Variants in CPEB3 observed in about 807,000 individuals in gnomAD.
CPEB3 encodes the protein cytoplasmic polyadenylation element-binding protein 3.
CPEB3 carries 20 observed loss-of-function variants against 67.2 expected under a neutral mutation model. The observed-to-expected ratio is 0.30, with a 90% CI of 0.21 to 0.43. The LOEUF (loss-of-function observed/expected upper bound fraction) is 0.43. Among genes scored for constraint, CPEB3 ranks in the 20% least tolerant of loss-of-function variants. CPEB3 has a pLI of 1.00. For synonymous variants in CPEB3, 376 were observed against 393.1 expected (o/e 0.96, Z 0.51); for missense variants, 746 against 968.6 (o/e 0.77, Z 3.05).
At chr10:92,191,187 A>G (rs1266047141) in intron 3 of CPEB3, among the ~76,000 whole-genome samples, 2 of 152,054 alleles carry the variant, frequency 1.3e-5, no homozygotes, top group African/African-American at 4.8e-5. Flanking sequence ...AGATCACTAG[A>G]GGTCAGGAGT....
chr10:92,112,383 G>T (rs1177222797), intron 6 of CPEB3, among the ~76,000 whole-genome samples: 3 of 152,086 alleles, frequency 2.0e-5, no homozygotes, highest in Non-Finnish European at 4.4e-5. Context: ...GACTTCAAGT[G>T]ATCCATCTGC....
In CPEB3 at chr10:92,144,958, A is replaced by G. The variant is rs778069529; in HGVS notation, c.1350T>C (p.Pro450=). The part of the protein sequence containing the change: ...SRKVFVGGLP[P]DIDEDEITAS... Reference sequence around the variant, plus strand: ...AATGCATAGTACCTTCATCAATATCAGGAGGAAGTCCTCCAACAAACACCT... The same window carrying G: ...AATGCATAGTACCTTCATCAATATCGGGAGGAAGTCCTCCAACAAACACCT... The change falls in exon 5 of 10, where the codon CCT becomes CCC. Residue 450 remains proline, a synonymous_variant. Transcript: ENST00000265997. The G allele has an allele frequency of 6.1e-5, 99 of 1,613,896 alleles. No individual in the cohort carries two copies. The highest frequency in any genetic ancestry group is 8.4e-5 in the Non-Finnish European group (99 of 1,179,938).
intron 4 of CPEB3, among the ~76,000 whole-genome samples, chr10:92,152,484 C>T (rs183198809): frequency 1.1e-4 from 16 of 152,296 alleles, no homozygotes; most frequent in Admixed American, 7.2e-4. Context: ...AAGCCTTTTA[C>T]AAATGCAGTT....
chr10:92,202,947 C>CTTT (rs558484576), intron 2 of CPEB3, among the ~76,000 whole-genome samples: 2 of 142,436 alleles, frequency 1.4e-5, no homozygotes, highest in South Asian at 2.2e-4. Flanking sequence ...TATTTTTAAG[C>CTTT]TTTTTTTTTT....
intron 4 of CPEB3, among the ~76,000 whole-genome samples, chr10:92,155,915 A>G (rs1847186541): frequency 6.6e-6 from 1 of 152,198 alleles, no homozygotes; most frequent in Non-Finnish European, 1.5e-5. Context: ...TTCTTGATGT[A>G]TAGTATTAAT....
chr10:92,204,484 T>A (rs1469984957), intron 2 of CPEB3, among the ~76,000 whole-genome samples: 1 of 152,180 alleles, frequency 6.6e-6, no homozygotes, highest in Non-Finnish European at 1.5e-5. Context: ...AGCTACAGAC[T>A]ATAGCTCTTC....
At chr10:92,221,542 G>A (rs1450691374) in intron 2 of CPEB3, among the ~76,000 whole-genome samples, 2 of 152,092 alleles carry the variant, frequency 1.3e-5, no homozygotes, top group Admixed American at 6.6e-5. Flanking sequence ...TATATAATAA[G>A]CATCTACTAC....
At chr10:92,221,831 G>C (rs1427505998) in intron 2 of CPEB3, among the ~76,000 whole-genome samples, 1 of 152,128 alleles carries the variant, frequency 6.6e-6, no homozygotes, top group Non-Finnish European at 1.5e-5. Context: ...AAGAGGGAGA[G>C]AGAGAGAGAG....
intron 2 of CPEB3, among the ~76,000 whole-genome samples, chr10:92,224,850 T>A (rs7897555): frequency 0.84 from 124,009 of 148,102 alleles, 52,758 homozygotes; most frequent in African/African-American, 0.96. Flanking sequence ...CCTGACTTCT[T>A]AAAAAAAACT....
At chr10:92,124,129 C>T (rs1329545492) in intron 6 of CPEB3, among the ~76,000 whole-genome samples, 1 of 152,190 alleles carries the variant, frequency 6.6e-6, no homozygotes, top group African/African-American at 2.4e-5. Flanking sequence ...GGAGTTATGA[C>T]TTCTCTGAAC....
chr10:92,062,771 A>G (rs892906596), intron 9 of CPEB3, among the ~76,000 whole-genome samples: 2 of 152,246 alleles, frequency 1.3e-5, no homozygotes, highest in Non-Finnish European at 2.9e-5. Context: ...TCATTAACCT[A>G]TGATACTTTG....
chr10:92,071,981 C>A (rs982344340), intron 9 of CPEB3, among the ~76,000 whole-genome samples: 4 of 152,154 alleles, frequency 2.6e-5, no homozygotes, highest in South Asian at 2.1e-4. Flanking sequence ...CAGGTGCCAT[C>A]TTTGGCTCTT....
At chr10:92,281,116 TC>T (rs2135076862) in intron 1 of CPEB3, among the ~76,000 whole-genome samples, 1 of 151,896 alleles carries the variant, frequency 6.6e-6, no homozygotes, top group South Asian at 2.1e-4. Flanking sequence ...AAATGTCTTT[TC>T]CAATTTCTTT....
intron 8 of CPEB3, among the ~76,000 whole-genome samples, chr10:92,088,379 A>T (rs1459593791): frequency 1.3e-5 from 2 of 152,034 alleles, no homozygotes; most frequent in African/African-American, 4.8e-5. Flanking sequence ...GGAGTGTGCC[A>T]TCATGCCTGG....
chr10:92,206,325 A>T (rs918818577), intron 2 of CPEB3, among the ~76,000 whole-genome samples: 1 of 152,130 alleles, frequency 6.6e-6, no homozygotes, highest in Non-Finnish European at 1.5e-5. Flanking sequence ...CACCCTCCTC[A>T]GCCTCCCAAA....
At chr10:92,283,722 C>CTTTTTTTTTTTTTTTTTTT (rs869248048) in intron 1 of CPEB3, among the ~76,000 whole-genome samples, 6 of 108,950 alleles carry the variant, frequency 5.5e-5, no homozygotes, top group Non-Finnish European at 1.2e-4. Flanking sequence ...CTTTTTCTTT[C>CTTTTTTTTTTTTTTTTTTT]TTTTTTTTTT....
intron 2 of CPEB3, among the ~76,000 whole-genome samples, chr10:92,199,556 C>T (rs566200357): frequency 2.2e-4 from 33 of 150,878 alleles, no homozygotes; most frequent in South Asian, 1.0e-3. Context: ...TGGTGGCACG[C>T]GCCTGTAGTC....
intron 1 of CPEB3, among the ~76,000 whole-genome samples, chr10:92,245,773 A>T (rs1487174266): frequency 2.0e-5 from 3 of 152,188 alleles, no homozygotes; most frequent in African/African-American, 7.2e-5. Context: ...ACGGTGGCTC[A>T]TGCCTGTAAT....
chr10:92,289,732 A>AAAAAAAATATAT lies in CPEB3; in HGVS notation c.-12+1193_-12+1194insATATATTTTTTT. Among the ~76,000 whole-genome samples the AAAAAAAATATAT allele has an allele frequency of 1.2e-4, 9 of 75,768 alleles. 1 individual carries two copies. The highest frequency in any genetic ancestry group is 5.6e-4 in the Admixed American group (3 of 5,318). The allele number at this position is 75,768 out of a possible 152,430, so 49.7% of individuals were successfully genotyped here. A position where few individuals can be genotyped will look rare whatever the true frequency, so the allele number is the denominator to read the frequency against. On this transcript the variant is annotated intron_variant, in intron 1 of 9. Transcript: ENST00000265997. ...CGCGTCTCTACCAAAAAAAAAAAAA[A>AAAAAAAATATAT]ATATATATATATATATATATATATA...
Sources: allele counts gnomAD v4.1 joint callset (sites outside exome capture counted in the v4.1 genomes callset), GRCh38; gene constraint gnomAD v4.1.1; transcripts MANE v1.5; gene names NCBI Gene and HGNC (gene_info 2026-07-23, HGNC 2026-07-21).